Variants in SYT16 observed in about 807,000 individuals in gnomAD.
SYT16 encodes synaptotagmin-16.
A neutral mutation model predicts 61.4 loss-of-function variants in SYT16; 42 were observed. The observed-to-expected ratio is 0.68, with a 90% CI of 0.53 to 0.89. The LOEUF is 0.89. Ranked by LOEUF, SYT16 falls within the 40% of genes least tolerant of loss-of-function variation. The pLI is 0.00. For missense variants in SYT16, 804 were observed against 807.3 expected (o/e 1.00, Z 0.05); for synonymous variants, 314 against 302.3 (o/e 1.04, Z -0.40).
chr14:61,843,619 A>G (rs2046360362), intron 1 of SYT16, among the ~76,000 whole-genome samples: 1 of 152,224 alleles, frequency 6.6e-6, no homozygotes, highest in African/African-American at 2.4e-5. Flanking sequence ...ATTCTTCTGC[A>G]TATGGATTTC....
intron 1 of SYT16, among the ~76,000 whole-genome samples, chr14:61,919,325 A>G (rs146012215): frequency 6.6e-6 from 1 of 152,288 alleles, no homozygotes; most frequent in African/African-American, 2.4e-5. Flanking sequence ...CATTGTGCTA[A>G]TTTCTTATTG....
At chr14:61,831,733 T>G (rs1055282192) in intron 1 of SYT16, 4 of 165,950 alleles carry the variant, frequency 2.4e-5, no homozygotes, top group Admixed American at 1.2e-4. Flanking sequence ...GTTCTTTTTT[T>G]TTTTCTTTCA....
intron 1 of SYT16, among the ~76,000 whole-genome samples, chr14:61,842,947 TA>T (rs2140255675): frequency 1.3e-5 from 2 of 152,274 alleles, no homozygotes; most frequent in African/African-American, 4.8e-5. Context: ...AAGAAAAATT[TA>T]AAAAAGTATC....
chr14:62,036,692 TC>T (rs1409789366), intron 3 of SYT16, among the ~76,000 whole-genome samples: 1 of 152,014 alleles, frequency 6.6e-6, no homozygotes, highest in Admixed American at 6.5e-5. Flanking sequence ...AGGGGAGCTG[TC>T]CTTTATAAAA....
chr14:62,087,546 G>A (rs2056928267), intron 7 of SYT16, among the ~76,000 whole-genome samples: 1 of 152,216 alleles, frequency 6.6e-6, no homozygotes, highest in Non-Finnish European at 1.5e-5. Flanking sequence ...GGTTGAGCCT[G>A]AGTGTTAGGA....
In SYT16 at chr14:62,069,630, T is replaced by C. The variant is rs1193775674; in HGVS notation, c.551T>C (p.Leu184Pro). 1 of 1,613,880 alleles carries C rather than the reference T, an allele frequency of 6.2e-7. No homozygotes were observed. Among genetic ancestry groups the C allele is most frequent in the African/African-American group, 1.3e-5 (1 of 74,936 alleles). Residue 184 changes from leucine to proline, a missense_variant, in exon 4 of 8, where the codon CTG (leucine) becomes CCG (proline). Leu to Pro is a moderately conservative substitution (Grantham distance 98). Transcript: ENST00000683842. ...QVNSFGDDEE[L>P]STSSDSDEEV... Reference sequence around the variant, plus strand: ...AACAGCTTTGGGGATGACGAAGAGCTGTCCACATCTTCTGACAGTGACGAG... The same window carrying C: ...AACAGCTTTGGGGATGACGAAGAGCCGTCCACATCTTCTGACAGTGACGAG...
chr14:62,029,470 G>A (rs1332124940), intron 3 of SYT16, among the ~76,000 whole-genome samples: 1 of 152,180 alleles, frequency 6.6e-6, no homozygotes, highest in African/African-American at 2.4e-5. Flanking sequence ...GTTTTCTGTT[G>A]ATTGTGAAGA....
intron 1 of SYT16, among the ~76,000 whole-genome samples, chr14:61,900,995 G>A: frequency 6.6e-6 from 1 of 152,234 alleles, no homozygotes; most frequent in East Asian, 1.9e-4. Context: ...GTTGACTGCA[G>A]TGTAGGTTCC....
At chr14:61,823,834 C>T (rs2140221721) in intron 1 of SYT16, among the ~76,000 whole-genome samples, 1 of 152,262 alleles carries the variant, frequency 6.6e-6, no homozygotes, top group Admixed American at 6.5e-5. Context: ...TTCCGTGCGA[C>T]AATAAGCTGC....
chr14:62,001,569 A>G (rs2053016700), intron 3 of SYT16, among the ~76,000 whole-genome samples: 1 of 151,696 alleles, frequency 6.6e-6, no homozygotes, highest in African/African-American at 2.4e-5. Flanking sequence ...ATGCATGTGT[A>G]TGTTTTGGTA....
At chr14:61,889,519 T>C (rs759924618) in intron 1 of SYT16, among the ~76,000 whole-genome samples, 30 of 152,064 alleles carry the variant, frequency 2.0e-4, no homozygotes, top group Admixed American at 1.0e-3. Flanking sequence ...AGTGAGTTCT[T>C]TCTCTATTAG....
At chr14:61,815,276 T>A (rs2045392890) in intron 1 of SYT16, among the ~76,000 whole-genome samples, 1 of 152,194 alleles carries the variant, frequency 6.6e-6, no homozygotes, top group Non-Finnish European at 1.5e-5. Context: ...AACAGAGTGA[T>A]GATCACTTCT....
chr14:61,988,881 AT>A (rs35791529), intron 2 of SYT16, among the ~76,000 whole-genome samples: 109,377 of 151,130 alleles, frequency 0.72, 39,657 homozygotes, highest in Admixed American at 0.8. Context: ...ATCTAATCGC[AT>A]TTTTTTTTTA....
chr14:61,885,791 T>C (rs2047875988), intron 1 of SYT16, among the ~76,000 whole-genome samples: 1 of 152,150 alleles, frequency 6.6e-6, no homozygotes, highest in Non-Finnish European at 1.5e-5. Context: ...TGCAATAAAG[T>C]GATGCCTTAA....
chr14:62,059,123 T>C (rs369159233), intron 3 of SYT16, among the ~76,000 whole-genome samples: 6 of 152,210 alleles, frequency 3.9e-5, no homozygotes, highest in Non-Finnish European at 7.4e-5. Flanking sequence ...TAATGGGTAC[T>C]AGGCTTCATA....
At chr14:61,817,020 C>A (rs879302361) in intron 1 of SYT16, among the ~76,000 whole-genome samples, 16,394 of 141,548 alleles carry the variant, frequency 0.12, 1,325 homozygotes, top group African/African-American at 0.17. Flanking sequence ...CACACACACA[C>A]ACACACACAA....
At chr14:61,883,727 G>A (rs546223400) in intron 1 of SYT16, among the ~76,000 whole-genome samples, 2 of 152,122 alleles carry the variant, frequency 1.3e-5, no homozygotes, top group Non-Finnish European at 2.9e-5. Context: ...GTATTAGTCT[G>A]TTCTTACACT....
At chr14:61,988,156 T>C (rs2052399070) in intron 2 of SYT16, among the ~76,000 whole-genome samples, 1 of 152,304 alleles carries the variant, frequency 6.6e-6, no homozygotes, top group African/African-American at 2.4e-5. Flanking sequence ...AGATGCCCTT[T>C]TGGAAAAGGT....
intron 1 of SYT16, among the ~76,000 whole-genome samples, chr14:61,938,056 C>CACACACACACACACAG (rs1226415317): frequency 6.6e-6 from 1 of 151,916 alleles, no homozygotes; most frequent in Admixed American, 6.6e-5. Flanking sequence ...CACACACACA[C>CACACACACACACACAG]ACAGAGTGTT....
Sources: gnomAD v4.1 joint callset for allele counts (sites outside exome capture counted in the v4.1 genomes callset) on GRCh38, gnomAD v4.1.1 for gene constraint, MANE v1.5 for transcripts, NCBI Gene and HGNC (gene_info 2026-07-23, HGNC 2026-07-21) for gene names.